The following NDUFS1 variants were observed in gnomAD, a reference collection of about 807,000 sequenced individuals.
NDUFS1 encodes NADH-ubiquinone oxidoreductase 75 kDa subunit, mitochondrial.
NDUFS1 carries 61 observed loss-of-function variants against 84.4 expected under a neutral mutation model. That is an observed-to-expected ratio of 0.72 (90% CI 0.59 to 0.89). The LOEUF (loss-of-function observed/expected upper bound fraction) is 0.89, where lower values mean the gene tolerates loss of function less well. NDUFS1 is among the 40% of genes least tolerant of loss of function. The pLI is 0.00. For synonymous variants in NDUFS1, 275 were observed against 290.0 expected, an observed-to-expected ratio of 0.95 and a Z score of 0.53; for missense variants, 891 against 890.0, an observed-to-expected ratio of 1.00 and a Z score of -0.01.
At chr2:206,142,858 C>G in intron 10 of NDUFS1, 27 bp from the exon 11 acceptor site, 1 of 1,613,618 alleles carries the variant, frequency 6.2e-7, no homozygotes, top group Non-Finnish European at 8.5e-7. Context: ...AGGGCATCAC[C>G]AAGAAACCTA....
chr2:206,139,853 A>G (rs543736510), intron 12 of NDUFS1, among the ~76,000 whole-genome samples: 32 of 149,790 alleles, frequency 2.1e-4, no homozygotes, highest in African/African-American at 7.7e-4. Flanking sequence ...ATGCTAGAAA[A>G]TAACTGGCTT....
At chr2:206,129,993 G>C in intron 15 of NDUFS1, 95 bp downstream of exon 15, 1 of 1,504,294 alleles carries the variant, frequency 6.6e-7, no homozygotes, top group South Asian at 1.2e-5. Flanking sequence ...TTCTCAAATG[G>C]AAAACATTCA....
At chr2:206,156,966 T>A (rs1343369332) in intron 1 of NDUFS1, among the ~76,000 whole-genome samples, 1 of 152,236 alleles carries the variant, frequency 6.6e-6, no homozygotes, top group Non-Finnish European at 1.5e-5. Flanking sequence ...TCAGTATGTG[T>A]GTGTGTTTTG....
At chr2:206,156,974 T>C (rs868867772) in intron 1 of NDUFS1, among the ~76,000 whole-genome samples, 2 of 152,344 alleles carry the variant, frequency 1.3e-5, no homozygotes, top group East Asian at 1.9e-4. Flanking sequence ...TGTGTGTGTT[T>C]TGAGACAGAG....
chr2:206,117,467 C>T lies in NDUFS1; in HGVS notation c.*6718G>A, dbSNP rs899897999. 8 of 152,344 alleles carry T rather than the reference C, an allele frequency of 5.3e-5. No homozygotes were observed. Among genetic ancestry groups the T allele is most frequent in the African/African-American group, 1.4e-4 (6 of 41,574 alleles). 9.4% of individuals were successfully genotyped at this position (152,344 alleles called of 1,614,324 possible). On this transcript the variant is annotated 3_prime_UTR_variant, in exon 19 of 19. Coordinates refer to ENST00000233190, the MANE Select transcript of NDUFS1 (RefSeq NM_005006.7). Reference sequence around the variant, plus strand: ...TTTTTCTTTTTGAGATGGGGTCTCGCTTTGTCGCCCATGCTAGAGCGCAGT... The same window carrying T: ...TTTTTCTTTTTGAGATGGGGTCTCGTTTTGTCGCCCATGCTAGAGCGCAGT...
At chr2:206,139,938 A>T (rs1209753082) in intron 12 of NDUFS1, among the ~76,000 whole-genome samples, 2 of 151,704 alleles carry the variant, frequency 1.3e-5, no homozygotes, top group African/African-American at 4.8e-5. Context: ...GTAATGTATG[A>T]CTCCAGAATG....
chr2:206,146,919 G>C lies in NDUFS1; in HGVS notation c.721C>G (p.Arg241Gly). ...AAAAGATACCTTGTTTCCCAAGGCC[G>C]GGCAGTAAAGGCATAGGGCTTAGAG... Reference protein sequence around the residue: ...LTSKPYAFTARPWETRKTESI... With the variant: ...LTSKPYAFTAGPWETRKTESI... The change falls in exon 8 of 19, where the codon CGG becomes GGG. Residue 241 changes from arginine to glycine, a missense_variant. By Grantham distance (125) the Arg-to-Gly change is moderately radical. Transcript: ENST00000233190. 5 of 1,613,914 alleles carry C rather than the reference G, an allele frequency of 3.1e-6. No individual in the cohort carries two copies. The highest frequency in any genetic ancestry group is 4.2e-6 in the Non-Finnish European group (5 of 1,179,868).
At chr2:206,146,485 A>G (rs1057193070) in intron 8 of NDUFS1, among the ~76,000 whole-genome samples, 3 of 151,706 alleles carry the variant, frequency 2.0e-5, no homozygotes, top group African/African-American at 7.3e-5. Context: ...AGATATACAC[A>G]GAAATGTGTA....
intron 15 of NDUFS1, among the ~76,000 whole-genome samples, chr2:206,128,534 T>C (rs553324675): frequency 6.6e-6 from 1 of 151,574 alleles, no homozygotes; most frequent in African/African-American, 2.4e-5. Flanking sequence ...TCCCAGCACT[T>C]TGGGAGGCCA....
At chr2:206,132,372 C>T (rs1370773248) in intron 14 of NDUFS1, among the ~76,000 whole-genome samples, 1 of 151,962 alleles carries the variant, frequency 6.6e-6, no homozygotes, top group Non-Finnish European at 1.5e-5. Context: ...TCGCCTGAGC[C>T]CAGGAGTTTG....
intron 14 of NDUFS1, among the ~76,000 whole-genome samples, chr2:206,130,922 G>A (rs1041569042): frequency 1.3e-5 from 2 of 151,974 alleles, no homozygotes; most frequent in Non-Finnish European, 2.9e-5. Flanking sequence ...AAATGAAAAG[G>A]GAGAAATTGA....
At chr2:206,124,635 T>G (rs1691216833) in intron 18 of NDUFS1, among the ~76,000 whole-genome samples, 1 of 152,054 alleles carries the variant, frequency 6.6e-6, no homozygotes, top group African/African-American at 2.4e-5. Context: ...GTCAGGAGAT[T>G]GAGACCATCC....
At chr2:206,158,953 G>T (rs1687792900) in intron 1 of NDUFS1, 1 of 824,262 alleles carries the variant, frequency 1.2e-6, no homozygotes, top group Non-Finnish European at 1.9e-6. Flanking sequence ...TATCAGGCGT[G>T]TAAAAATCTG....
Position 206,126,524 on chromosome 2 carries a change from T to C in NDUFS1, c.2092+15A>G. 6.2e-7 allele frequency: 1 copy of C among 1,612,736 alleles called. No individual in the cohort carries two copies. The highest frequency in any genetic ancestry group is 1.3e-5 in the African/African-American group (1 of 75,054). ...ACCTTTCGTATTTGGCAGAGTCATG[T>C]TGACAATTACATACCTGTCATGTAG... On this transcript the variant is annotated intron_variant, in intron 18 of 18. Transcript: ENST00000233190.
intron 3 of NDUFS1, among the ~76,000 whole-genome samples, chr2:206,150,952 G>A (rs1030768169): frequency 2.0e-5 from 3 of 151,634 alleles, no homozygotes; most frequent in African/African-American, 4.8e-5. Flanking sequence ...AGTTCTGTAC[G>A]ACGGGGGAAA....
At position 206,147,094 on chromosome 2, in the gene NDUFS1, A is replaced by T. The variant is rs1297650297; in HGVS notation, c.552-6T>A. On this transcript the variant is annotated splice_polypyrimidine_tract_variant and splice_region_variant and intron_variant, in intron 7 of 18. Coordinates refer to ENST00000233190, the MANE Select transcript of NDUFS1 (RefSeq NM_005006.7). ...CTGCAATCTCACTTGCAAACCTACA[A>T]GATAAAAAATGTGTCATCAATGGTC... is the stretch of plus-strand genomic sequence containing the variant. 41 of 1,613,962 alleles carry T rather than the reference A, an allele frequency of 2.5e-5. No homozygotes were observed. In the East Asian group the frequency reaches 8.9e-4, roughly 35 times the overall value.
At position 206,126,826 on chromosome 2, in the gene NDUFS1, G is replaced by C; in HGVS notation, c.1903C>G (p.Pro635Ala). The C allele has an allele frequency of 6.2e-7, 1 of 1,614,086 alleles. No individual in the cohort carries two copies. The highest frequency in any genetic ancestry group is 8.5e-7 in the Non-Finnish European group (1 of 1,180,020). Residue 635 changes from proline to alanine, a missense_variant, in exon 17 of 19, where the codon CCA (proline) becomes GCA (alanine). Transcript: ENST00000233190. ...CTTACTTGATCCAGAGTATCATATGGAAGAGTCATTCCAGCAATCTACAAC... is the reference window on the plus strand; with the variant it reads ...CTTACTTGATCCAGAGTATCATATGCAAGAGTCATTCCAGCAATCTACAAC... ...ALSEIAGMTL[P>A]YDTLDQVRNR...
chr2:206,140,943 T>TATACACACACACACACACAC lies in NDUFS1; in HGVS notation c.1262+997_1262+998insGTGTGTGTGTGTGTGTGTAT, dbSNP rs367723817. Reference sequence around the variant, plus strand: ...GTGTGTATATATATATATATATATATACACACACACTGAGAATCATAATAC... The same window carrying TATACACACACACACACACAC: ...GTGTGTATATATATATATATATATATATACACACACACACACACACACACACACACTGAGAATCATAATAC... On this transcript the variant is annotated intron_variant, in intron 12 of 18. Transcript: ENST00000233190. Among the ~76,000 whole-genome samples, 897 of 136,078 alleles carry TATACACACACACACACACAC rather than the reference T, an allele frequency of 6.6e-3. 6 individuals are homozygous for TATACACACACACACACACAC. Among genetic ancestry groups the TATACACACACACACACACAC allele is most frequent in the East Asian group, 0.025 (120 of 4,746 alleles). The allele number at this position is 136,078 out of a possible 152,430, so 89.3% of individuals were successfully genotyped here. A position where few individuals can be genotyped will look rare whatever the true frequency, so the allele number is the denominator to read the frequency against.
intron 3 of NDUFS1, 116 bp from the exon 4 acceptor site, chr2:206,150,041 C>CTATCTATCTATCTATA (rs1467669606): frequency 6.9e-6 from 5 of 723,012 alleles, no homozygotes; most frequent in Non-Finnish European, 1.2e-5. Flanking sequence ...ATCTATCTAT[C>CTATCTATCTATCTATA]TATCTATCTA....
Sources: allele counts gnomAD v4.1 joint callset (sites outside exome capture counted in the v4.1 genomes callset), GRCh38; gene constraint gnomAD v4.1.1; transcripts MANE v1.5; gene names NCBI Gene and HGNC (gene_info 2026-07-23, HGNC 2026-07-21).